The following SANBR variants were observed in gnomAD, a reference collection of about 807,000 sequenced individuals.
SANBR encodes SANT and BTB domain regulator of CSR.
Under a neutral mutation model 101.8 loss-of-function variants are expected in SANBR, and 77 were observed. The ratio of observed to expected loss-of-function variants is 0.76; its 90% CI spans 0.63 to 0.91. SANBR has a LOEUF of 0.91. Ranked by LOEUF, SANBR falls within the 40% of genes least tolerant of loss-of-function variation. The probability of loss-of-function intolerance (pLI) is 0.00; values close to 1 mark genes in which losing one functional copy is unlikely to be tolerated. For missense variants in SANBR, 875 were observed against 853.0 expected, an observed-to-expected ratio of 1.03 and a Z score of -0.32; for synonymous variants, 279 against 274.7, an observed-to-expected ratio of 1.02 and a Z score of -0.15.
intron 2 of SANBR, among the ~76,000 whole-genome samples, chr2:61,069,501 C>T (rs948627235): frequency 6.6e-5 from 10 of 152,154 alleles, no homozygotes; most frequent in African/African-American, 1.7e-4. Context: ...TTTGTACTCT[C>T]GTCCTAAAAT....
intron 6 of SANBR, among the ~76,000 whole-genome samples, chr2:61,080,147 A>G (rs1242560687): frequency 1.3e-5 from 2 of 150,590 alleles, no homozygotes; most frequent in African/African-American, 4.9e-5. Flanking sequence ...CAGTGAGCCA[A>G]GATCATGCCA....
intron 4 of SANBR, among the ~76,000 whole-genome samples, chr2:61,072,936 C>T (rs2104847690): frequency 6.8e-6 from 1 of 147,790 alleles, no homozygotes; most frequent in Admixed American, 6.9e-5. Flanking sequence ...AAGCAATCCT[C>T]CTGCCGCAGC....
chr2:61,109,943 G>A (rs1442531836), intron 16 of SANBR, among the ~76,000 whole-genome samples: 2 of 152,034 alleles, frequency 1.3e-5, no homozygotes, highest in Non-Finnish European at 2.9e-5. Flanking sequence ...GTGAGCCACT[G>A]TGCTCGGCCG....
At chr2:61,085,795 G>C (rs893416785) in intron 8 of SANBR, among the ~76,000 whole-genome samples, 2 of 151,976 alleles carry the variant, frequency 1.3e-5, no homozygotes, top group Non-Finnish European at 2.9e-5. Flanking sequence ...ACAGACGTGA[G>C]CCACCACACC....
At chr2:61,088,872 T>G in intron 10 of SANBR, 1 of 947,490 alleles carries the variant, frequency 1.1e-6, no homozygotes, top group Non-Finnish European at 1.3e-6. Context: ...ATAACTACTT[T>G]TATAAGGAAT....
At chr2:61,102,365 CAAAAAAA>C (rs35795015) in intron 12 of SANBR, among the ~76,000 whole-genome samples, 3 of 59,444 alleles carry the variant, frequency 5.0e-5, no homozygotes, top group Non-Finnish European at 9.4e-5. Flanking sequence ...GACTGTGTCT[CAAAAAAA>C]AAAAAAAAAA....
intron 6 of SANBR, among the ~76,000 whole-genome samples, chr2:61,080,677 C>T (rs149291724): frequency 9.3e-4 from 141 of 151,550 alleles, no homozygotes; most frequent in Non-Finnish European, 1.7e-3. Context: ...GCAGAGATTG[C>T]GCCACTGCAC....
At chr2:61,137,038 A>G (rs1684872662) in intron 21 of SANBR, among the ~76,000 whole-genome samples, 2 of 151,928 alleles carry the variant, frequency 1.3e-5, no homozygotes, top group Non-Finnish European at 2.9e-5. Flanking sequence ...TGTAATCCCA[A>G]CACTTTGGGA....
chr2:61,121,363 A>G, intron 21 of SANBR, 87 bp downstream of exon 21: 1 of 803,426 alleles, frequency 1.2e-6, no homozygotes, highest in Non-Finnish European at 2.0e-6. Flanking sequence ...CTAGAAACAT[A>G]TCATTTGAGT....
intron 11 of SANBR, among the ~76,000 whole-genome samples, chr2:61,096,478 AC>A (rs1271169765): frequency 1.3e-5 from 2 of 152,016 alleles, no homozygotes; most frequent in Admixed American, 1.3e-4. Flanking sequence ...ACCTCTGTCT[AC>A]CCACCAGCCC....
At chr2:61,086,709 TAGC>T (rs2104887294) in intron 8 of SANBR, among the ~76,000 whole-genome samples, 1 of 152,280 alleles carries the variant, frequency 6.6e-6, no homozygotes, top group East Asian at 1.9e-4. Context: ...AAATTAGCAG[TAGC>T]TATTAGGGAT....
At position 61,118,020 on chromosome 2, in the gene SANBR, C is replaced by CG; in HGVS notation, c.1940-8_1940-7insG. ...GAAAAGTAAAGTTTACTGTTTTTTT[C>CG]CCTTCAGATCAACGGCGAATGACTG... On this transcript the variant is annotated splice_region_variant and splice_polypyrimidine_tract_variant and intron_variant, in intron 19 of 21. Transcript: ENST00000402291. 4 of 1,601,964 alleles carry CG rather than the reference C, an allele frequency of 2.5e-6. No homozygotes were observed. Among genetic ancestry groups the CG allele is most frequent in the Non-Finnish European group, 3.4e-6 (4 of 1,174,112 alleles).
chr2:61,109,162 A>G, intron 15 of SANBR, 35 bp from the exon 16 acceptor site: 3 of 1,055,938 alleles, frequency 2.8e-6, no homozygotes, highest in Middle Eastern at 3.0e-4. Context: ...AAAAATCATA[A>G]TATTACATTT....
chr2:61,129,235 G>T (rs1684607965), downstream of SANBR, among the ~76,000 whole-genome samples: 1 of 152,064 alleles, frequency 6.6e-6, no homozygotes, highest in Non-Finnish European at 1.5e-5. Flanking sequence ...CCTGAGGTCA[G>T]GAGTTTGAGA....
intron 12 of SANBR, 22 bp downstream of exon 12, chr2:61,097,874 T>C: frequency 1.1e-5 from 18 of 1,596,952 alleles, no homozygotes; most frequent in Non-Finnish European, 1.5e-5. Flanking sequence ...ATATTGCCCT[T>C]AGTAGCTACA....
chr2:61,112,745 C>T (rs373953959), intron 16 of SANBR, among the ~76,000 whole-genome samples: 15 of 152,328 alleles, frequency 9.8e-5, no homozygotes, highest in East Asian at 7.7e-4. Flanking sequence ...CCGCCTGCCT[C>T]GGCCTCCCAA....
intron 11 of SANBR, among the ~76,000 whole-genome samples, chr2:61,095,115 G>A (rs374263605): frequency 6.6e-6 from 1 of 152,074 alleles, no homozygotes; most frequent in South Asian, 2.1e-4. Context: ...GTCAGGTTTG[G>A]GTTTTTTGTT....
chr2:61,098,246 G>A (rs1683126989), intron 12 of SANBR, among the ~76,000 whole-genome samples: 1 of 151,770 alleles, frequency 6.6e-6, no homozygotes, highest in Non-Finnish European at 1.5e-5. Flanking sequence ...TGGGACTACA[G>A]GCACACGCCA....
At chr2:61,108,065 C>T (rs999831831) in intron 14 of SANBR, among the ~76,000 whole-genome samples, 4 of 152,026 alleles carry the variant, frequency 2.6e-5, no homozygotes, top group African/African-American at 7.2e-5. Context: ...TTTTCTTGTA[C>T]GTGATTTACT....
Sources: gnomAD v4.1 joint callset for allele counts (sites outside exome capture counted in the v4.1 genomes callset) on GRCh38, gnomAD v4.1.1 for gene constraint, MANE v1.5 for transcripts, NCBI Gene and HGNC (gene_info 2026-07-23, HGNC 2026-07-21) for gene names.